SYT7: variants seen among roughly 807,000 people sequenced by gnomAD.
SYT7 encodes the protein synaptotagmin 7.
Under a neutral mutation model 75.1 loss-of-function variants are expected in SYT7, and 29 were observed. The ratio of observed to expected loss-of-function variants is 0.39; its 90% CI spans 0.29 to 0.53. The LOEUF (loss-of-function observed/expected upper bound fraction) is 0.53. Ranked by LOEUF, SYT7 falls within the 20% of genes least tolerant of loss-of-function variation. The probability of loss-of-function intolerance (pLI) is 0.77; values close to 1 mark genes in which losing one functional copy is unlikely to be tolerated. For missense variants in SYT7, 693 were observed against 953.2 expected, an observed-to-expected ratio of 0.73 and a Z score of 3.59; for synonymous variants, 376 against 401.7, an observed-to-expected ratio of 0.94 and a Z score of 0.76.
chr11:61,523,607 C>G lies in SYT7; in HGVS notation c.1756+220G>C, dbSNP rs1484845101. 6.6e-6 allele frequency among the ~76,000 whole-genome samples: 1 copy of G among 152,168 alleles called. No homozygotes were observed. Among genetic ancestry groups the G allele is most frequent in the Non-Finnish European group, 1.5e-5 (1 of 68,026 alleles). On this transcript the variant is annotated intron_variant, in intron 11 of 12. Transcript: ENST00000539008. This position sits in a 1 kb window ranked among gnomAD's most constrained non-coding sequence, Gnocchi z 5.0. ...TTTCTGATTCTTGGAAGAACATAAT[C>G]CAGGATGATGCTGACATCTTGATTC...
chr11:61,575,511 C>T (rs1356489986), intron 1 of SYT7, among the ~76,000 whole-genome samples: 1 of 152,190 alleles, frequency 6.6e-6, no homozygotes, highest in Non-Finnish European at 1.5e-5. Flanking sequence ...CATGGAAATG[C>T]TTGTATCTTA....
At chr11:61,556,046 AGG>A (rs1383848054) in intron 2 of SYT7, 56 bp downstream of exon 2, 6 of 1,415,874 alleles carry the variant, frequency 4.2e-6, no homozygotes, top group Non-Finnish European at 5.9e-6. Flanking sequence ...GTGTGTGGGG[AGG>A]GGGGGCAGTG....
chr11:61,530,830 C>G, intron 8 of SYT7: 1 of 985,426 alleles, frequency 1.0e-6, no homozygotes, highest in Non-Finnish European at 1.2e-6. Flanking sequence ...ACCCTGAGCC[C>G]TACTTACTCA....
At chr11:61,545,772 A>G (rs1404242134) in intron 5 of SYT7, among the ~76,000 whole-genome samples, 1 of 152,210 alleles carries the variant, frequency 6.6e-6, no homozygotes, top group African/African-American at 2.4e-5. Context: ...TGGGGGCAGA[A>G]AATGGAATGA....
Position 61,573,774 on chromosome 11 carries a change from T to G in SYT7, c.31+7016A>C, listed in dbSNP as rs75553713. On this transcript the variant is annotated intron_variant, in intron 1 of 12. Coordinates refer to ENST00000539008, the MANE Select transcript of SYT7 (RefSeq NM_001365809.2). The stretch of plus-strand genomic sequence containing the variant: ...CGAACCTCTGAGCCACTGCATGTGC[T>G]GTCCCCACCTCACCAACTGCCTCAC... 3.1e-4 allele frequency among the ~76,000 whole-genome samples: 47 copies of G among 152,302 alleles called. 1 individual carries two copies. Among genetic ancestry groups the G allele is most frequent in the African/African-American group, 1.0e-3 (42 of 41,552 alleles).
chr11:61,580,761 G>A lies in SYT7; in HGVS notation c.31+29C>T. 8.1e-7 allele frequency: 1 copy of A among 1,233,878 alleles called. No individual in the cohort carries two copies. Among genetic ancestry groups the A allele is most frequent in the Non-Finnish European group, 1.0e-6 (1 of 986,038 alleles). 76.4% of individuals were successfully genotyped at this position (1,233,878 alleles called of 1,614,324 possible). A position where few individuals can be genotyped will look rare whatever the true frequency, so the allele number is the denominator to read the frequency against. ...CCGCTGTCCTGCCCGCCGGTGCGGG[G>A]CGCCCCAGCCCGCCGGGGCCGCGCT... On this transcript the variant is annotated intron_variant, in intron 1 of 12. Transcript: ENST00000539008. The surrounding 1 kb of genome is among the most constrained non-coding windows in gnomAD (Gnocchi z 6.1).
intron 9 of SYT7, among the ~76,000 whole-genome samples, chr11:61,525,188 C>T (rs542409689): frequency 6.6e-6 from 1 of 152,352 alleles, no homozygotes; most frequent in East Asian, 1.9e-4. Context: ...TCCCCGCATC[C>T]ACGCTTTCTC....
chr11:61,533,232 G>C (rs1151138), intron 7 of SYT7, 108 bp from the exon 8 acceptor site: 1,467,603 of 1,468,594 alleles, frequency 1, 733,318 homozygotes, highest in East Asian at 1. Flanking sequence ...CAGCTGCCAT[G>C]CCCGGCGGGC....
At chr11:61,565,688 C>G (rs966545874) in intron 1 of SYT7, among the ~76,000 whole-genome samples, 1 of 152,282 alleles carries the variant, frequency 6.6e-6, no homozygotes, top group Non-Finnish European at 1.5e-5. Flanking sequence ...GCCCTCCGGA[C>G]ATTCTCTGAG....
chr11:61,531,190 G>T, intron 8 of SYT7: 1 of 960,978 alleles, frequency 1.0e-6, no homozygotes. Context: ...TTGGCACAGA[G>T]CTGTGCAATT....
chr11:61,566,726 T>A (rs1210490771), intron 1 of SYT7, among the ~76,000 whole-genome samples: 1 of 152,182 alleles, frequency 6.6e-6, no homozygotes, highest in Non-Finnish European at 1.5e-5. Flanking sequence ...TGACCACTAG[T>A]TACTCCTATG....
At position 61,514,934 on chromosome 11, in the gene SYT7, C is replaced by T. The variant is rs1473652173; in HGVS notation, c.*3693G>A. On this transcript the variant is annotated 3_prime_UTR_variant, in exon 13 of 13. Transcript: ENST00000539008. ...TGGTGGTGGGAAAGCTGGAGCGTCC[C>T]CCTTTGGTTTGTCTGAGCTGCCTTG... Among the ~76,000 whole-genome samples, 1 of 152,164 alleles carries T rather than the reference C, an allele frequency of 6.6e-6. No individual in the cohort carries two copies. Among genetic ancestry groups the T allele is most frequent in the Non-Finnish European group, 1.5e-5 (1 of 68,036 alleles).
the SYT7 span, among the ~76,000 whole-genome samples, chr11:61,587,434 G>C: frequency 6.6e-6 from 1 of 152,248 alleles, no homozygotes; most frequent in Non-Finnish European, 1.5e-5. Flanking sequence ...TTCCAGGTCT[G>C]AGGCTGAGGC....
At chr11:61,556,872 C>A (rs150518325) in intron 1 of SYT7, among the ~76,000 whole-genome samples, 1 of 151,112 alleles carries the variant, frequency 6.6e-6, no homozygotes, top group Non-Finnish European at 1.5e-5. Context: ...ACATTCCTAT[C>A]CCCCAAGCTC....
At chr11:61,552,866 G>C (rs2063393086) in intron 2 of SYT7, among the ~76,000 whole-genome samples, 1 of 152,208 alleles carries the variant, frequency 6.6e-6, no homozygotes, top group South Asian at 2.1e-4. Flanking sequence ...CTAGAAGGAA[G>C]ACTCCTCATC....
chr11:61,532,224 G>A (rs2062734383), intron 8 of SYT7, among the ~76,000 whole-genome samples: 1 of 152,222 alleles, frequency 6.6e-6, no homozygotes, highest in African/African-American at 2.4e-5. Flanking sequence ...TGGGTTCCCA[G>A]CCTCATCGCC....
In SYT7 at chr11:61,576,334, C is replaced by T. The variant is rs569495760; in HGVS notation, c.31+4456G>A. ...TTCCCTGGCAAGGCAGGCAGGCACC[C>T]GGGCTGGGCCTGGCACAGGCTGGTG... On this transcript the variant is annotated intron_variant, in intron 1 of 12. Transcript: ENST00000539008. The surrounding 1 kb of genome is among the most constrained non-coding windows in gnomAD (Gnocchi z 4.1). Among the ~76,000 whole-genome samples the T allele has an allele frequency of 3.3e-5, 5 of 152,354 alleles. No homozygotes were observed. The highest frequency in any genetic ancestry group is 1.9e-4 in the East Asian group (1 of 5,178).
At chr11:61,521,667 G>A (rs1336915987) in intron 12 of SYT7, among the ~76,000 whole-genome samples, 1 of 152,142 alleles carries the variant, frequency 6.6e-6, no homozygotes, top group African/African-American at 2.4e-5. Flanking sequence ...CTCCAACTCA[G>A]CTCCCTTCCC....
rs964358447 is a variant in SYT7, at chr11:61,517,521, A to C, written c.*1106T>G. The C allele has an allele frequency of 7.5e-6, 3 of 399,138 alleles. No individual in the cohort carries two copies. Among genetic ancestry groups the C allele is most frequent in the African/African-American group, 6.2e-5 (3 of 48,506 alleles). The allele number at this position is 399,138 out of a possible 1,614,324, so 24.7% of individuals were successfully genotyped here. On this transcript the variant is annotated 3_prime_UTR_variant, in exon 13 of 13. Transcript: ENST00000539008. ...ATGGAAGGTCTACAAGCATTGGGGGATGGAGGGGTGGAGGAAAGAAGGGTG... is the reference window on the plus strand; with the variant it reads ...ATGGAAGGTCTACAAGCATTGGGGGCTGGAGGGGTGGAGGAAAGAAGGGTG...
Sources: allele counts gnomAD v4.1 joint callset (sites outside exome capture counted in the v4.1 genomes callset), GRCh38; gene constraint gnomAD v4.1.1; non-coding constraint Gnocchi (gnomAD v3.1); transcripts MANE v1.5; gene names NCBI Gene and HGNC (gene_info 2026-07-23, HGNC 2026-07-21).